Variants in TNS3 observed in about 807,000 individuals in gnomAD.
TNS3 encodes tensin-3.
Under a neutral mutation model 140.9 loss-of-function variants are expected in TNS3, and 45 were observed. The observed-to-expected ratio is 0.32, with a 90% CI of 0.25 to 0.41. The LOEUF (loss-of-function observed/expected upper bound fraction) is 0.41. TNS3 is among the 10% of genes least tolerant of loss of function. The pLI is 1.00. For missense variants in TNS3, 1,716 were observed against 1,906.7 expected (o/e 0.90, Z 1.86); for synonymous variants, 815 against 788.4 (o/e 1.03, Z -0.56).
At chr7:47,503,325 C>T (rs1044740965) in intron 3 of TNS3, among the ~76,000 whole-genome samples, 2 of 152,024 alleles carry the variant, frequency 1.3e-5, no homozygotes, top group Non-Finnish European at 2.9e-5. Context: ...TGCCTAAGCT[C>T]CCCTTCATTT....
At chr7:47,557,260 C>T in intron 1 of TNS3, 1 of 404,404 alleles carries the variant, frequency 2.5e-6, no homozygotes, top group Middle Eastern at 6.4e-4. Flanking sequence ...CCTCAGGGTG[C>T]AGTCACGGGT....
At chr7:47,458,519 A>G (rs749441574) in intron 4 of TNS3, among the ~76,000 whole-genome samples, 1 of 152,254 alleles carries the variant, frequency 6.6e-6, no homozygotes, top group Non-Finnish European at 1.5e-5. Context: ...GGATCTGAAA[A>G]TGATAATAAA....
rs1192938898 is a variant in TNS3, at chr7:47,369,489, G to T, written c.1157C>A (p.Thr386Asn). The part of the protein sequence containing the change: ...ATNSPDHSDH[T>N]LSVSSDSGHS... ...GCCGGAGTCACTGCTGACAGACAAGGTGTGGTCACTGTGGTCTGGGCTGTT... is the reference window on the plus strand; with the variant it reads ...GCCGGAGTCACTGCTGACAGACAAGTTGTGGTCACTGTGGTCTGGGCTGTT... Residue 386 changes from threonine (T) to asparagine (N), a missense_variant, in exon 17 of 31, where the codon ACC becomes AAC. Physicochemically the swap from Thr to Asn is moderately conservative, Grantham distance 65. Transcript: ENST00000311160. 1.9e-6 allele frequency: 3 copies of T among 1,614,070 alleles called. No individual in the cohort carries two copies. Among genetic ancestry groups the T allele is most frequent in the Non-Finnish European group, 2.5e-6 (3 of 1,180,052 alleles).
intron 4 of TNS3, among the ~76,000 whole-genome samples, chr7:47,446,596 G>C (rs569386772): frequency 4.7e-5 from 7 of 150,306 alleles, no homozygotes; most frequent in African/African-American, 1.7e-4. Context: ...ACCCAAATAA[G>C]AGAAAGAGAA....
intron 20 of TNS3, among the ~76,000 whole-genome samples, chr7:47,306,665 C>A (rs1786774091): frequency 1.3e-5 from 2 of 152,254 alleles, no homozygotes; most frequent in Admixed American, 1.3e-4. Context: ...AGCTCCACCT[C>A]CCGCGTTCAC....
At chr7:47,344,285 C>T (rs1239342821) in intron 20 of TNS3, among the ~76,000 whole-genome samples, 1 of 152,156 alleles carries the variant, frequency 6.6e-6, no homozygotes, top group African/African-American at 2.4e-5. Context: ...ATGGACAGAG[C>T]CCCTGAGTTC....
At chr7:47,413,082 C>G (rs1793869865) in intron 12 of TNS3, among the ~76,000 whole-genome samples, 1 of 151,546 alleles carries the variant, frequency 6.6e-6, no homozygotes, top group Admixed American at 6.6e-5. Flanking sequence ...GCCTCCCAAG[C>G]AGCTGGGACT....
chr7:47,456,110 A>G (rs1796235008), intron 4 of TNS3, among the ~76,000 whole-genome samples: 3 of 152,226 alleles, frequency 2.0e-5, no homozygotes, highest in African/African-American at 2.4e-5. Context: ...TGGTAGTAGC[A>G]GCAGCAAGAT....
At chr7:47,424,957 A>G (rs1417415505) in intron 9 of TNS3, among the ~76,000 whole-genome samples, 1 of 152,220 alleles carries the variant, frequency 6.6e-6, no homozygotes, top group Non-Finnish European at 1.5e-5. Flanking sequence ...ATATGACTTC[A>G]GCACAAATCC....
chr7:47,483,171 A>AC (rs1350429306), intron 3 of TNS3, among the ~76,000 whole-genome samples: 2 of 139,488 alleles, frequency 1.4e-5, no homozygotes, highest in African/African-American at 5.1e-5. Context: ...AGTGTGTCCA[A>AC]TTTTTTTTTT....
In TNS3 at chr7:47,452,963, A is replaced by G; in HGVS notation, c.-75-10908T>C. 3.0e-6 allele frequency: 3 copies of G among 985,522 alleles called. No homozygotes were observed. The South Asian group carries it at 1.4e-4, about 46-fold the overall frequency. The allele number at this position is 985,522 out of a possible 1,614,324, so 61.0% of individuals were successfully genotyped here. On this transcript the variant is annotated intron_variant, in intron 4 of 30. Transcript: ENST00000311160. ...TGGGCCTGGGCAGGGACCACCGGCC[A>G]GGGCTGCTTTTCCCTTCCAGAAACA...
At chr7:47,558,905 G>A (rs1399592702) in intron 1 of TNS3, among the ~76,000 whole-genome samples, 1 of 152,130 alleles carries the variant, frequency 6.6e-6, no homozygotes, top group Admixed American at 6.6e-5. Flanking sequence ...CACTCACCTG[G>A]TAATGGCAAA....
intron 16 of TNS3, among the ~76,000 whole-genome samples, chr7:47,381,943 C>A (rs2470998): frequency 6.6e-6 from 1 of 151,944 alleles, no homozygotes; most frequent in African/African-American, 2.4e-5. Flanking sequence ...ACACATCAAA[C>A]GAAAAGAGAT....
chr7:47,496,948 C>T lies in TNS3; in HGVS notation c.-115+9959G>A, dbSNP rs1798033397. On this transcript the variant is annotated intron_variant, in intron 3 of 30. Coordinates refer to ENST00000311160, the MANE Select transcript of TNS3 (RefSeq NM_022748.12). The stretch of plus-strand genomic sequence containing the variant: ...GTCAGGGGAAAGGTCACAGAGCTGG[C>T]CAGAACCAAGGCAGCATCGAGCAAG... 6.6e-5 allele frequency among the ~76,000 whole-genome samples: 10 copies of T among 152,212 alleles called. No individual in the cohort carries two copies. The South Asian group carries it at 1.9e-3, about 28-fold the overall frequency.
chr7:47,533,329 A>T (rs1350122394), intron 1 of TNS3, among the ~76,000 whole-genome samples: 1 of 150,378 alleles, frequency 6.6e-6, no homozygotes, highest in Admixed American at 6.6e-5. Context: ...ACAGGGTTTC[A>T]CCATGTTGGT....
At chr7:47,378,189 T>G (rs1791521398) in intron 16 of TNS3, among the ~76,000 whole-genome samples, 1 of 152,152 alleles carries the variant, frequency 6.6e-6, no homozygotes, top group Non-Finnish European at 1.5e-5. Context: ...GCTTTCCCCC[T>G]CTCTGGTCAA....
Position 47,369,029 on chromosome 7 carries a change from C to A in TNS3, c.1617G>T (p.Pro539=), listed in dbSNP as rs567004030. The change falls in exon 17 of 31, where the codon CCG becomes CCT. Residue 539 remains proline, a synonymous_variant. Transcript: ENST00000311160. ...GGCCGTCCATGCCAAGGCCCAGGTC[C>A]GGAACGAGGGTGCCCTGCGGATCTT... ...VGEDPQGTLV[P]DLGLGMDGPY... is the part of the protein sequence containing the mutation. 6.2e-6 allele frequency: 10 copies of A among 1,613,978 alleles called. No individual in the cohort carries two copies. The East Asian group carries it at 2.2e-4, about 36-fold the overall frequency.
chr7:47,527,254 TAAATA>T (rs1453787398), intron 2 of TNS3, among the ~76,000 whole-genome samples: 1 of 151,854 alleles, frequency 6.6e-6, no homozygotes, highest in Non-Finnish European at 1.5e-5. Flanking sequence ...AATTAATAAA[TAAATA>T]AAATAAAATA....
intron 20 of TNS3, among the ~76,000 whole-genome samples, chr7:47,324,675 C>A (rs1787930486): frequency 6.6e-6 from 1 of 152,162 alleles, no homozygotes; most frequent in Non-Finnish European, 1.5e-5. Context: ...TCACTTGAAC[C>A]TGGGAGGCGA....
Sources: allele counts gnomAD v4.1 joint callset (sites outside exome capture counted in the v4.1 genomes callset), GRCh38; gene constraint gnomAD v4.1.1; transcripts MANE v1.5; gene names NCBI Gene and HGNC (gene_info 2026-07-23, HGNC 2026-07-21).